TMEM52B: variants seen among roughly 807,000 people sequenced by gnomAD.
The protein encoded by TMEM52B is chromosome 12 open reading frame 59.
A neutral mutation model predicts 16.1 loss-of-function variants in TMEM52B; 11 were observed. That is an observed-to-expected ratio of 0.68 (90% CI 0.43 to 1.13). TMEM52B has a LOEUF of 1.13. Ranked by LOEUF, TMEM52B falls within the 50% of genes most tolerant of loss-of-function variation. The pLI is 0.00. For synonymous variants in TMEM52B, 101 were observed against 93.8 expected (o/e 1.08, Z -0.45); for missense variants, 243 against 230.4 (o/e 1.05, Z -0.35).
chr12:10,185,532 G>A (rs1012297183), intron 3 of TMEM52B, among the ~76,000 whole-genome samples, 164 bp downstream of exon 3: 11 of 152,086 alleles, frequency 7.2e-5, no homozygotes, highest in Admixed American at 3.9e-4. Flanking sequence ...CATCTCCTCC[G>A]CAAACATCAA....
rs1014229432 is a variant in TMEM52B, at chr12:10,179,616, G to C, written c.42G>C (p.Leu14=). Residue 14 remains leucine, a synonymous_variant, in exon 1 of 5, where the codon CTG becomes CTC. Coordinates refer to ENST00000543484, the MANE Select transcript of TMEM52B (RefSeq NM_001384896.1). ...RVHVVAASAL[L]YFILLSGTRC... is the part of the protein sequence containing the mutation. ...ATGTCGTGGCGGCCTCAGCCCTGCT[G>C]TATTTCATCCTGGTGAGTTCAGTGG... 1.2e-6 allele frequency: 2 copies of C among 1,614,084 alleles called. No homozygotes were observed. The highest frequency in any genetic ancestry group is 1.7e-6 in the Non-Finnish European group (2 of 1,180,038).
chr12:10,186,454 T>A lies in TMEM52B; in HGVS notation c.172T>A (p.Cys58Ser). 6.2e-7 allele frequency: 1 copy of A among 1,612,272 alleles called. No individual in the cohort carries two copies. Among genetic ancestry groups the A allele is most frequent in the Non-Finnish European group, 8.5e-7 (1 of 1,178,560 alleles). The change falls in exon 4 of 5, where the codon TGT (cysteine) becomes AGT (serine). Residue 58 changes from cysteine to serine, a missense_variant. Coordinates refer to ENST00000543484, the MANE Select transcript of TMEM52B (RefSeq NM_001384896.1). ...LVVIGALLLL[C>S]GLTSLCFRCC... is the part of the protein sequence containing the mutation. Reference sequence around the variant, plus strand: ...GGTAATTGGCGCGCTGCTTCTCCTGTGTGGCCTGACGTCCCTGTGCTTCCG... The same window carrying A: ...GGTAATTGGCGCGCTGCTTCTCCTGAGTGGCCTGACGTCCCTGTGCTTCCG...
In TMEM52B at chr12:10,190,290, G is replaced by T; in HGVS notation, c.*150G>T. Reference sequence around the variant, plus strand: ...GATGGTTCTTACTCTTCGTTCACAGGCCTTTATATCTTCCGATACAGAATG... The same window carrying T: ...GATGGTTCTTACTCTTCGTTCACAGTCCTTTATATCTTCCGATACAGAATG... On this transcript the variant is annotated 3_prime_UTR_variant, in exon 5 of 5. Coordinates refer to ENST00000543484, the MANE Select transcript of TMEM52B (RefSeq NM_001384896.1). 9.6e-7 allele frequency: 1 copy of T among 1,045,368 alleles called. No individual in the cohort carries two copies. The allele number at this position is 1,045,368 out of a possible 1,614,324, so 64.8% of individuals were successfully genotyped here.
At chr12:10,187,066 C>G (rs568962162) in intron 4 of TMEM52B, among the ~76,000 whole-genome samples, 1 of 139,902 alleles carries the variant, frequency 7.1e-6, no homozygotes, top group East Asian at 2.1e-4. Flanking sequence ...GACACTTTCC[C>G]TTTTCTTCTG....
rs535257381 is a variant in TMEM52B, at chr12:10,191,502, T to G, written c.*1362T>G. ...TCCCAAAGTGCTGGAATTAGAGGCC[T>G]GACCCCCTGCTCCTGGCCTGAAATC... On this transcript the variant is annotated 3_prime_UTR_variant, in exon 5 of 5. Transcript: ENST00000543484. 1.3e-5 allele frequency: 2 copies of G among 152,322 alleles called. No homozygotes were observed. Among genetic ancestry groups the G allele is most frequent in the South Asian group, 4.1e-4 (2 of 4,822 alleles). 9.4% of individuals were successfully genotyped at this position (152,322 alleles called of 1,614,324 possible).
intron 1 of TMEM52B, among the ~76,000 whole-genome samples, chr12:10,171,380 A>G (rs894064695): frequency 2.6e-5 from 4 of 152,216 alleles, no homozygotes; most frequent in African/African-American, 9.6e-5. Context: ...TAGCTATGCA[A>G]TTTAATTACT....
intron 1 of TMEM52B, among the ~76,000 whole-genome samples, chr12:10,181,405 C>T (rs535780610): frequency 1.4e-3 from 209 of 151,996 alleles, no homozygotes; most frequent in Non-Finnish European, 2.5e-3. Flanking sequence ...TCTCGGCTCA[C>T]TGCAACCTCC....
intron 1 of TMEM52B, among the ~76,000 whole-genome samples, chr12:10,180,224 G>C (rs535489347): frequency 6.6e-6 from 1 of 151,454 alleles, no homozygotes; most frequent in East Asian, 2.0e-4. Flanking sequence ...AAGAAAACTG[G>C]ATAGTCTCAG....
At chr12:10,189,149 C>G (rs4471530) in intron 4 of TMEM52B, among the ~76,000 whole-genome samples, 134,699 of 142,844 alleles carry the variant, frequency 0.94, 63,722 homozygotes, top group East Asian at 1. Flanking sequence ...GTTGCAGCGA[C>G]CCGAGATTGT....
At chr12:10,182,654 AGAGAGTC>A in intron 2 of TMEM52B, 61 bp downstream of exon 2, 1 of 1,487,112 alleles carries the variant, frequency 6.7e-7, no homozygotes, top group African/African-American at 1.4e-5. Context: ...CTACCCCAAA[AGAGAGTC>A]AAGATGTCAT....
Position 10,182,593 on chromosome 12 carries a change from A to C in TMEM52B, c.98A>C (p.His33Pro). Residue 33 changes from histidine (H) to proline (P), a missense_variant and splice_region_variant, in exon 2 of 5, where the codon CAT becomes CCT. Physicochemically the swap from His to Pro is moderately conservative, Grantham distance 77. Coordinates refer to ENST00000543484, the MANE Select transcript of TMEM52B (RefSeq NM_001384896.1). ...RCEENCGNPE[H>P]CLTTDWVHLW... ...GAGGAAAACTGTGGTAATCCTGAAC[A>C]GTAAGTATAGAGTTCAAGCTGGGAG... The C allele has an allele frequency of 6.5e-7, 1 of 1,535,330 alleles. No individual in the cohort carries two copies.
intron 4 of TMEM52B, among the ~76,000 whole-genome samples, chr12:10,187,098 G>A (rs1307573295): frequency 2.6e-5 from 1 of 38,670 alleles, no homozygotes; most frequent in Non-Finnish European, 5.0e-5. Context: ...TTTCCATGAC[G>A]GTTTTTTTTT....
At position 10,179,412 on chromosome 12, in the gene TMEM52B, TAGG is replaced by T. The variant is rs1948795978; in HGVS notation, c.-157_-155del. 3 of 695,618 alleles carry T rather than the reference TAGG, an allele frequency of 4.3e-6. No homozygotes were observed. Among genetic ancestry groups the T allele is most frequent in the South Asian group, 1.8e-5 (1 of 57,002 alleles). The allele number at this position is 695,618 out of a possible 1,614,324, so 43.1% of individuals were successfully genotyped here. On this transcript the variant is annotated 5_prime_UTR_variant, in exon 1 of 5. Coordinates refer to ENST00000543484, the MANE Select transcript of TMEM52B (RefSeq NM_001384896.1). ...CATAGAAAATAACAGCCAGAGCGAG[TAGG>T]AGGAGACAGAGAGAACGAGAGAGAG...
intron 1 of TMEM52B, chr12:10,182,027 A>C (rs1386843508): frequency 3.6e-6 from 2 of 548,258 alleles, no homozygotes; most frequent in Non-Finnish European, 4.4e-6. Flanking sequence ...ACTCAAAAAA[A>C]AAAAAAAAAA....
intron 4 of TMEM52B, among the ~76,000 whole-genome samples, chr12:10,188,531 AG>A (rs1565428825): frequency 0.092 from 12,757 of 138,426 alleles, 799 homozygotes; most frequent in Non-Finnish European, 0.14. Context: ...GAAGGAAGGA[AG>A]GAAGGAAAAG....
At chr12:10,188,975 C>T (rs1356735160) in intron 4 of TMEM52B, among the ~76,000 whole-genome samples, 1 of 136,162 alleles carries the variant, frequency 7.3e-6, no homozygotes, top group Non-Finnish European at 1.5e-5. Flanking sequence ...CGAGATCGCG[C>T]CACTGCACTC....
intron 1 of TMEM52B, 35 bp downstream of exon 1, chr12:10,179,663 T>A: frequency 6.2e-7 from 1 of 1,612,938 alleles, no homozygotes; most frequent in Non-Finnish European, 8.5e-7. Flanking sequence ...AAAGAGTATT[T>A]TTCCCCAGAT....
chr12:10,178,561 G>A (rs1181060914), upstream of TMEM52B, among the ~76,000 whole-genome samples: 1 of 150,628 alleles, frequency 6.6e-6, no homozygotes, highest in Admixed American at 6.6e-5. Context: ...GCTTTTGCAT[G>A]TGTGCTTGTT....
Position 10,189,016 on chromosome 12 carries a change from C to CAAAAAAAAAAA in TMEM52B, c.308-855_308-845dup, listed in dbSNP as rs869240234. 1.1e-4 allele frequency among the ~76,000 whole-genome samples: 6 copies of CAAAAAAAAAAA among 56,500 alleles called. 1 individual carries two copies. The highest frequency in any genetic ancestry group is 1.6e-4 in the African/African-American group (2 of 12,346). The allele number at this position is 56,500 out of a possible 152,430, so 37.1% of individuals were successfully genotyped here. A position where few individuals can be genotyped will look rare whatever the true frequency, so the allele number is the denominator to read the frequency against. On this transcript the variant is annotated intron_variant, in intron 4 of 4. Transcript: ENST00000543484. ...TGGGCGACAGAGCGAGACTCCGTCT[C>CAAAAAAAAAAA]AAAAAAAAAAAAAAAAAAAAAAAAA...
Sources: allele counts gnomAD v4.1 joint callset (sites outside exome capture counted in the v4.1 genomes callset), GRCh38; gene constraint gnomAD v4.1.1; transcripts MANE v1.5; gene names NCBI Gene and HGNC (gene_info 2026-07-23, HGNC 2026-07-21).